Variants in GUCY2D observed in about 807,000 individuals in gnomAD.
GUCY2D encodes retinal guanylyl cyclase 1.
In GUCY2D, 70 loss-of-function variants were observed where a neutral mutation model predicts 101.3. That is an observed-to-expected ratio of 0.69 (90% CI 0.57 to 0.84). GUCY2D has a LOEUF of 0.84. Among genes scored for constraint, GUCY2D ranks in the 40% least tolerant of loss-of-function variants. The probability of loss-of-function intolerance (pLI) is 0.00; values close to 1 mark genes in which losing one functional copy is unlikely to be tolerated. For synonymous variants in GUCY2D, 688 were observed against 670.7 expected (o/e 1.03, Z -0.40); for missense variants, 1,460 against 1,542.5 (o/e 0.95, Z 0.90).
intron 19 of GUCY2D, among the ~76,000 whole-genome samples, chr17:8,018,093 T>C (rs1457788679): frequency 6.6e-6 from 1 of 152,216 alleles, no homozygotes; most frequent in Non-Finnish European, 1.5e-5. Flanking sequence ...CACATTTGAC[T>C]CTTGGTGTCT....
In GUCY2D at chr17:8,007,459, C is replaced by A. The variant is rs754833828; in HGVS notation, c.1497C>A (p.Gly499=). The change falls in exon 6 of 20, where the codon GGC becomes GGA. Residue 499 remains glycine, a synonymous_variant. Coordinates refer to ENST00000254854, the MANE Select transcript of GUCY2D (RefSeq NM_000180.4). ...TACTTCACATGCAAATGGTCTCCGGCCCCAACAAGATCATCCTGACCGTGG... is the reference window on the plus strand; with the variant it reads ...TACTTCACATGCAAATGGTCTCCGGACCCAACAAGATCATCCTGACCGTGG... ...HRLLHMQMVS[G]PNKIILTVDD... 1.2e-6 allele frequency: 2 copies of A among 1,613,416 alleles called. No individual in the cohort carries two copies. The highest frequency in any genetic ancestry group is 2.7e-5 in the African/African-American group (2 of 74,914).
At chr17:8,007,031 CAGT>C in intron 4 of GUCY2D, 26 bp from the exon 5 acceptor site, 1 of 1,576,690 alleles carries the variant, frequency 6.3e-7, no homozygotes. Flanking sequence ...CATCGCTCCT[CAGT>C]ATACCTCCTG....
Position 8,008,295 on chromosome 17 carries a change from A to AGAGACTG in GUCY2D, c.1668+267_1668+273dup, listed in dbSNP as rs143323176. ...CCTCAAAAGCTAACCACAGTGACCC[A>AGAGACTG]GAGACTGGAGGCTGGAGCTGCCAGG... On this transcript the variant is annotated intron_variant, in intron 7 of 19. Coordinates refer to ENST00000254854, the MANE Select transcript of GUCY2D (RefSeq NM_000180.4). Among the ~76,000 whole-genome samples the AGAGACTG allele has an allele frequency of 8.1e-4, 124 of 152,272 alleles. 1 individual carries two copies. Among genetic ancestry groups the AGAGACTG allele is most frequent in the African/African-American group, 2.9e-3 (122 of 41,552 alleles).
At chr17:8,015,558 C>T in intron 15 of GUCY2D, 56 bp downstream of exon 15, 1 of 1,513,602 alleles carries the variant, frequency 6.6e-7, no homozygotes, top group Non-Finnish European at 9.1e-7. Context: ...GGCCTGGCCC[C>T]AGATTTCCTG....
intron 10 of GUCY2D, 148 bp downstream of exon 10, chr17:8,012,754 C>T (rs1179135168): frequency 2.6e-6 from 2 of 760,062 alleles, no homozygotes; most frequent in Non-Finnish European, 4.4e-6. Flanking sequence ...ATCTTGTGGC[C>T]TCTGAGAGGG....
At chr17:8,017,865 T>G (rs949789986) in intron 19 of GUCY2D, among the ~76,000 whole-genome samples, 1 of 152,050 alleles carries the variant, frequency 6.6e-6, no homozygotes, top group African/African-American at 2.4e-5. Flanking sequence ...GGTAATTTTT[T>G]TGTGTGATTT....
In GUCY2D at chr17:8,015,553, G is replaced by A. The variant is rs747953612; in HGVS notation, c.2944+51G>A. 5.9e-6 allele frequency: 9 copies of A among 1,530,394 alleles called. No individual in the cohort carries two copies. The East Asian group carries it at 1.6e-4, about 28-fold the overall frequency. 94.8% of individuals were successfully genotyped at this position (1,530,394 alleles called of 1,614,324 possible). On this transcript the variant is annotated intron_variant, in intron 15 of 19. Coordinates refer to ENST00000254854, the MANE Select transcript of GUCY2D (RefSeq NM_000180.4). ...CAGCCCATCTCCCTCTTTAGGGCCT[G>A]GCCCCAGATTTCCTGTAGAGGAGGC...
Position 8,006,591 on chromosome 17 carries a change from A to C in GUCY2D, c.1255A>C (p.Met419Leu), listed in dbSNP as rs1388468307. Residue 419 changes from methionine to leucine, a missense_variant, in exon 4 of 20, where the codon ATG (methionine) becomes CTG (leucine). Physicochemically the swap from Met to Leu is conservative, Grantham distance 15 (BLOSUM62 2). Around this residue, in one of 3 missense-constraint regions of GUCY2D, gnomAD observed 1,196 missense variants for 1,229.6 expected, o/e 0.97. Coordinates refer to ENST00000254854, the MANE Select transcript of GUCY2D (RefSeq NM_000180.4). Reference sequence around the variant, plus strand: ...GGGAGACCGGCTTTTTGCCACATACATGCTGGATCCTGCCCGGGGCTCCTT... The same window carrying C: ...GGGAGACCGGCTTTTTGCCACATACCTGCTGGATCCTGCCCGGGGCTCCTT... ...AAGDRLFATY[M>L]LDPARGSFLS... is the part of the protein sequence containing the mutation. 4 of 1,613,496 alleles carry C rather than the reference A, an allele frequency of 2.5e-6. No homozygotes were observed. The African/African-American group carries it at 5.3e-5, about 22-fold the overall frequency.
Position 8,012,511 on chromosome 17 carries a change from T to C in GUCY2D, c.2018T>C (p.Ile673Thr). Residue 673 changes from isoleucine (I) to threonine (T), a missense_variant, in exon 10 of 20, where the codon ATA becomes ACA. Coordinates refer to ENST00000254854, the MANE Select transcript of GUCY2D (RefSeq NM_000180.4). ...GGGCGGCTGAAGTCACGGAACTGCA[T>C]AGTGGATGGCAGATTCGTACTCAAG... ...AHGRLKSRNC[I>T]VDGRFVLKIT... is the part of the protein sequence containing the mutation. The C allele has an allele frequency of 6.2e-7, 1 of 1,613,734 alleles. No individual in the cohort carries two copies. The highest frequency in any genetic ancestry group is 8.5e-7 in the Non-Finnish European group (1 of 1,179,686).
At chr17:8,019,864 AGCACCG>A (rs892484374) in intron 19 of GUCY2D, among the ~76,000 whole-genome samples, 3 of 152,046 alleles carry the variant, frequency 2.0e-5, no homozygotes, top group African/African-American at 7.2e-5. Flanking sequence ...AGCGCATGAG[AGCACCG>A]GGGCCTGGCT....
At position 8,003,024 on chromosome 17, in the gene GUCY2D, C is replaced by G. The variant is rs1432770357; in HGVS notation, c.-9-15C>G. Reference sequence around the variant, plus strand: ...GGGGTCTCAGTCGCTCAGCCTGCTCCGTCTGTGTTCGCAGAAGCCGGCAAT... The same window carrying G: ...GGGGTCTCAGTCGCTCAGCCTGCTCGGTCTGTGTTCGCAGAAGCCGGCAAT... On this transcript the variant is annotated splice_polypyrimidine_tract_variant and intron_variant, in intron 1 of 19. Transcript: ENST00000254854. 4 of 1,522,730 alleles carry G rather than the reference C, an allele frequency of 2.6e-6. No individual in the cohort carries two copies. Among genetic ancestry groups the G allele is most frequent in the South Asian group, 1.2e-5 (1 of 82,174 alleles). 94.3% of individuals were successfully genotyped at this position (1,522,730 alleles called of 1,614,324 possible). A position where few individuals can be genotyped will look rare whatever the true frequency, so the allele number is the denominator to read the frequency against.
chr17:8,013,557 G>C lies in GUCY2D; in HGVS notation c.2263+305G>C, dbSNP rs1975899298. ...GGGGTCCCTGGGAGGAGCAGGGGAG[G>C]GGGAGTGGGTGCATCCCTTCTGCAC... is the stretch of plus-strand genomic sequence containing the variant. On this transcript the variant is annotated intron_variant, in intron 11 of 19. Coordinates refer to ENST00000254854, the MANE Select transcript of GUCY2D (RefSeq NM_000180.4). This position sits in a 1 kb window ranked among gnomAD's most constrained non-coding sequence, Gnocchi z 5.0. 1 of 574,900 alleles carries C rather than the reference G, an allele frequency of 1.7e-6. No individual in the cohort carries two copies. Among genetic ancestry groups the C allele is most frequent in the Non-Finnish European group, 3.1e-6 (1 of 321,130 alleles). 35.6% of individuals were successfully genotyped at this position (574,900 alleles called of 1,614,324 possible).
chr17:8,003,228 C>T lies in GUCY2D; in HGVS notation c.181C>T (p.Pro61Ser). 1 of 1,518,990 alleles carries T rather than the reference C, an allele frequency of 6.6e-7. No individual in the cohort carries two copies. The highest frequency in any genetic ancestry group is 8.8e-7 in the Non-Finnish European group (1 of 1,138,500). 94.1% of individuals were successfully genotyped at this position (1,518,990 alleles called of 1,614,324 possible). A position where few individuals can be genotyped will look rare whatever the true frequency, so the allele number is the denominator to read the frequency against. ...SAVFTVGVLG[P>S]WACDPIFSRA... ...CGTGTTCACGGTGGGGGTCCTGGGC[C>T]CCTGGGCTTGCGACCCCATCTTCTC... The change falls in exon 2 of 20, where the codon CCC (proline) becomes TCC (serine). Residue 61 changes from proline (P) to serine (S), a missense_variant. Physicochemically the swap from Pro to Ser is moderately conservative, Grantham distance 74. Around this residue, in one of 3 missense-constraint regions of GUCY2D, gnomAD observed 1,196 missense variants for 1,229.6 expected, o/e 0.97. Transcript: ENST00000254854.
Position 8,004,346 on chromosome 17 carries a change from G to C in GUCY2D, c.1026+190G>C, listed in dbSNP as rs528203345. Among the ~76,000 whole-genome samples, 4 of 152,298 alleles carry C rather than the reference G, an allele frequency of 2.6e-5. No individual in the cohort carries two copies. The South Asian group carries it at 8.3e-4, about 32-fold the overall frequency. On this transcript the variant is annotated intron_variant, in intron 3 of 19. Coordinates refer to ENST00000254854, the MANE Select transcript of GUCY2D (RefSeq NM_000180.4). ...GTACGAGGATTGCCTCTAGAGAGTA[G>C]GCAATTCGACCTCTCAAGTCCAACA...
rs1217933363 is a variant in GUCY2D, at chr17:8,013,482, G to A, written c.2263+230G>A. The A allele has an allele frequency of 1.7e-6, 1 of 599,604 alleles. No individual in the cohort carries two copies. The highest frequency in any genetic ancestry group is 1.8e-5 in the African/African-American group (1 of 54,176). The allele number at this position is 599,604 out of a possible 1,614,324, so 37.1% of individuals were successfully genotyped here. Reference sequence around the variant, plus strand: ...CAACAGCTTCCTCTTTCTTGATGCTGGAACCAAACTGTTTCCACAACTGAC... The same window carrying A: ...CAACAGCTTCCTCTTTCTTGATGCTAGAACCAAACTGTTTCCACAACTGAC... On this transcript the variant is annotated intron_variant, in intron 11 of 19. Transcript: ENST00000254854. The surrounding 1 kb of genome is among the most constrained non-coding windows in gnomAD (Gnocchi z 5.0).
chr17:8,007,102 TTGGGATGGGGCTGGC>T lies in GUCY2D; in HGVS notation c.1426_1440del (p.Met476_Gly480del). 1 of 1,614,108 alleles carries T rather than the reference TTGGGATGGGGCTGGC, an allele frequency of 6.2e-7. No individual in the cohort carries two copies. The highest frequency in any genetic ancestry group is 2.2e-5 in the East Asian group (1 of 44,880). ...GTCTTTCTTGGCTTCCTCCTGGTGG[TTGGGATGGGGCTGGC>T]TGGGGCCTTCCTGGCCCATTATGTG... is the stretch of plus-strand genomic sequence containing the variant. On this transcript the variant is annotated inframe_deletion, in exon 5 of 20. Coordinates refer to ENST00000254854, the MANE Select transcript of GUCY2D (RefSeq NM_000180.4).
intron 8 of GUCY2D, 55 bp downstream of exon 8, chr17:8,009,641 C>A: frequency 8.6e-7 from 1 of 1,165,134 alleles, no homozygotes; most frequent in Non-Finnish European, 1.3e-6. Context: ...TCCCTCCTTG[C>A]CTTCTCTTTG....
chr17:8,018,671 A>AT (rs1414438576), intron 19 of GUCY2D, among the ~76,000 whole-genome samples: 2 of 152,104 alleles, frequency 1.3e-5, no homozygotes, highest in African/African-American at 4.8e-5. Flanking sequence ...GCAGCTAAAC[A>AT]GCAACAGTCC....
In GUCY2D at chr17:8,015,782, G is replaced by T. The variant is rs777075412; in HGVS notation, c.2984G>T (p.Arg995Leu). 3 of 1,612,256 alleles carry T rather than the reference G, an allele frequency of 1.9e-6. No individual in the cohort carries two copies. Among genetic ancestry groups the T allele is most frequent in the Non-Finnish European group, 2.5e-6 (3 of 1,179,546 alleles). ...VAGVVGLTMPRYCLFGDTVNT... is the reference protein window; with the variant it reads ...VAGVVGLTMPLYCLFGDTVNT... ...GGCGTGGTGGGCCTCACCATGCCGC[G>T]GTACTGCCTGTTTGGGGACACGGTC... Residue 995 changes from arginine (R) to leucine (L), a missense_variant, in exon 16 of 20, where the codon CGG (arginine) becomes CTG (leucine). Transcript: ENST00000254854.
Sources: gnomAD v4.1 joint callset for allele counts (sites outside exome capture counted in the v4.1 genomes callset) on GRCh38, gnomAD v4.1.1 for gene constraint, gnomAD v4.1.1 regional missense constraint, Gnocchi (gnomAD v3.1) non-coding constraint, MANE v1.5 for transcripts, NCBI Gene and HGNC (gene_info 2026-07-23, HGNC 2026-07-21) for gene names.